The following ACO2 variants were observed in gnomAD, a reference collection of about 807,000 sequenced individuals.
ACO2 encodes the protein aconitase 2.
Under a neutral mutation model 84.5 loss-of-function variants are expected in ACO2, and 31 were observed. The observed-to-expected ratio is 0.37, with a 90% CI of 0.28 to 0.50. The LOEUF is 0.50. Among genes scored for constraint, ACO2 ranks in the 20% least tolerant of loss-of-function variants. The pLI is 0.97. For synonymous variants in ACO2, 414 were observed against 412.7 expected, an observed-to-expected ratio of 1.00 and a Z score of -0.04; for missense variants, 685 against 1,029.3, an observed-to-expected ratio of 0.67 and a Z score of 4.58.
intron 8 of ACO2, among the ~76,000 whole-genome samples, chr22:41,519,601 T>C (rs978781901): frequency 1.1e-4 from 17 of 151,856 alleles, no homozygotes; most frequent in African/African-American, 3.9e-4. Flanking sequence ...GTCAGGAGAT[T>C]GAGACCATCC....
At chr22:41,502,724 T>A (rs1295878580) in intron 2 of ACO2, among the ~76,000 whole-genome samples, 1 of 152,186 alleles carries the variant, frequency 6.6e-6, no homozygotes, top group Admixed American at 6.5e-5. Context: ...TTGTCCTGCC[T>A]CAGCCTCCTG....
chr22:41,481,692 T>C (rs554387888), intron 1 of ACO2, among the ~76,000 whole-genome samples: 1 of 152,348 alleles, frequency 6.6e-6, no homozygotes, highest in South Asian at 2.1e-4. Context: ...GCCACAGCTC[T>C]GAACCCGTGC....
rs753933182 is a variant in ACO2 at position 41,526,405 on chromosome 22, C to T, written c.1905C>T (p.Ala635=). The stretch of plus-strand genomic sequence containing the variant: ...GCAAGGCCAACTCCGTGCGCAATGC[C>T]GTCACTCAGGAGTTTGGCCCCGTCC... ...ENGKANSVRN[A]VTQEFGPVPD... is the part of the protein sequence containing the mutation. Residue 635 remains alanine (A), a synonymous_variant, in exon 15 of 18, where the codon GCC becomes GCT. Coordinates refer to ENST00000216254, the MANE Select transcript of ACO2 (RefSeq NM_001098.3). The T allele has an allele frequency of 2.0e-5, 33 of 1,613,778 alleles. No individual in the cohort carries two copies. The highest frequency in any genetic ancestry group is 3.4e-4 in the Middle Eastern group (2 of 5,894).
intron 11 of ACO2, 80 bp downstream of exon 11, chr22:41,523,358 G>A (rs918621442): frequency 4.3e-5 from 51 of 1,189,492 alleles, no homozygotes; most frequent in Non-Finnish European, 5.8e-5. Context: ...GAATTATTGG[G>A]GTGGAGAGAA....
intron 1 of ACO2, 34 bp from the exon 2 acceptor site, chr22:41,499,692 C>G (rs2066339916): frequency 6.2e-7 from 1 of 1,605,680 alleles, no homozygotes; most frequent in Non-Finnish European, 8.5e-7. Context: ...CCTAAGTGCT[C>G]CATTGACAGT....
chr22:41,481,664 T>C (rs780809347), intron 1 of ACO2, among the ~76,000 whole-genome samples: 3 of 152,070 alleles, frequency 2.0e-5, no homozygotes, highest in Non-Finnish European at 4.4e-5. Flanking sequence ...TGCCGTGGGG[T>C]GGGCCCTTTT....
At chr22:41,527,841 G>GA in intron 16 of ACO2, 60 bp from the exon 17 acceptor site, 2 of 1,612,932 alleles carry the variant, frequency 1.2e-6, no homozygotes, top group Non-Finnish European at 8.5e-7. Flanking sequence ...GATGGGTTCA[G>GA]AAAATGAAGC....
rs2066460605 is a variant in ACO2 at position 41,514,484 on chromosome 22, A to G, written c.526-893A>G. Among the ~76,000 whole-genome samples, 3 of 152,180 alleles carry G rather than the reference A, an allele frequency of 2.0e-5. No homozygotes were observed. In the South Asian group the frequency reaches 6.2e-4, roughly 32 times the overall value. On this transcript the variant is annotated intron_variant, in intron 4 of 17. Transcript: ENST00000216254. ...GAGCTCCGAGAGAAGTGACTTGTCC[A>G]TGGTCCCACAACAACTAGTAGATGG...
intron 1 of ACO2, among the ~76,000 whole-genome samples, chr22:41,479,024 C>A (rs771700632): frequency 6.6e-6 from 1 of 152,156 alleles, no homozygotes; most frequent in Non-Finnish European, 1.5e-5. Flanking sequence ...TATTTATAAG[C>A]ACTCACTGTG....
At chr22:41,493,392 T>C (rs904328833) in intron 1 of ACO2, among the ~76,000 whole-genome samples, 1 of 152,132 alleles carries the variant, frequency 6.6e-6, no homozygotes, top group Non-Finnish European at 1.5e-5. Context: ...CATGTTGATA[T>C]GGCCCCCTCT....
Position 41,511,967 on chromosome 22 carries a change from AG to A in ACO2, c.525+1del, listed in dbSNP as rs1216514320. 6.2e-7 allele frequency: 1 copy of A among 1,608,204 alleles called. No homozygotes were observed. Among genetic ancestry groups the A allele is most frequent in the South Asian group, 1.1e-5 (1 of 90,036 alleles). On this transcript the variant is annotated frameshift_variant and splice_region_variant, in exon 4 of 18. Transcript: ENST00000216254. LOFTEE classifies it high-confidence loss of function. The part of the protein sequence containing the change: ...FWKPGSGIIH[Q>X]IILENYAYPG... ...AAGCCTGGATCTGGAATCATTCACC[AG>A]GTAAAGCTGGGCTCAGTCTGCCGTC...
At chr22:41,525,909 G>C (rs1445517570) in intron 14 of ACO2, 2 of 239,654 alleles carry the variant, frequency 8.3e-6, no homozygotes, top group Non-Finnish European at 8.1e-6. Flanking sequence ...TCATCAGCCA[G>C]GACCCAGGCA....
At position 41,507,964 on chromosome 22, in the gene ACO2, C is replaced by T. The variant is rs766757344; in HGVS notation, c.347C>T (p.Ser116Phe). ...AMLQFISSGL[S>F]KVAVPSTIHC... ...CTCCAGTTCATCAGCAGCGGGCTGT[C>T]CAAGGTGGCTGTGCCATCCACCATC... Residue 116 changes from serine (S) to phenylalanine (F), a missense_variant, in exon 3 of 18, where the codon TCC (serine) becomes TTC (phenylalanine). Around this residue, in one of 5 missense-constraint regions of ACO2, gnomAD observed 92 missense variants for 203.7 expected, o/e 0.45. Coordinates refer to ENST00000216254, the MANE Select transcript of ACO2 (RefSeq NM_001098.3). The T allele has an allele frequency of 6.2e-7, 1 of 1,614,256 alleles. No individual in the cohort carries two copies. The highest frequency in any genetic ancestry group is 1.1e-5 in the South Asian group (1 of 91,092).
At chr22:41,500,789 C>T (rs1346558759) in intron 2 of ACO2, among the ~76,000 whole-genome samples, 2 of 151,958 alleles carry the variant, frequency 1.3e-5, no homozygotes, top group Admixed American at 6.6e-5. Context: ...CTGCAACCTC[C>T]GCCCCCCAGG....
At chr22:41,493,694 C>A (rs2066291074) in intron 1 of ACO2, among the ~76,000 whole-genome samples, 1 of 152,256 alleles carries the variant, frequency 6.6e-6, no homozygotes, top group Middle Eastern at 3.4e-3. Context: ...GTAATCCTAG[C>A]ACTTTGGGAG....
At chr22:41,521,276 CTT>C (rs2066524800) in intron 9 of ACO2, 1 of 152,220 alleles carries the variant, frequency 6.6e-6, no homozygotes, top group African/African-American at 2.4e-5. Context: ...CTTTATGTGA[CTT>C]TTCATGCTTT....
At chr22:41,517,725 T>C in intron 7 of ACO2, 94 bp downstream of exon 7, 1 of 1,138,550 alleles carries the variant, frequency 8.8e-7, no homozygotes, top group Non-Finnish European at 1.3e-6. Context: ...GGGCAGGGGT[T>C]CTTAACCCAT....
chr22:41,502,604 GTTGT>G (rs1282715473), intron 2 of ACO2, among the ~76,000 whole-genome samples: 2 of 152,070 alleles, frequency 1.3e-5, no homozygotes, highest in Non-Finnish European at 2.9e-5. Context: ...TTGTTTTGTT[GTTGT>G]TTGTGTTTGT....
chr22:41,503,187 TACA>T (rs2066365704), intron 2 of ACO2, among the ~76,000 whole-genome samples: 1 of 152,210 alleles, frequency 6.6e-6, no homozygotes, highest in African/African-American at 2.4e-5. Context: ...AATTGACAAC[TACA>T]ACAATATTTT....
Sources: allele counts gnomAD v4.1 joint callset (sites outside exome capture counted in the v4.1 genomes callset), GRCh38; gene constraint gnomAD v4.1.1; regional missense constraint gnomAD v4.1.1; transcripts MANE v1.5; gene names NCBI Gene and HGNC (gene_info 2026-07-23, HGNC 2026-07-21).